TP63: variants seen among roughly 807,000 people sequenced by gnomAD.
TP63 encodes tumor protein 63.
A neutral mutation model predicts 82.8 loss-of-function variants in TP63; 17 were observed. That is an observed-to-expected ratio of 0.21 (90% CI 0.14 to 0.31). The LOEUF (loss-of-function observed/expected upper bound fraction) is 0.31, where lower values mean the gene tolerates loss of function less well. Among genes scored for constraint, TP63 ranks in the 10% least tolerant of loss-of-function variants. The probability of loss-of-function intolerance (pLI) is 1.00; values close to 1 mark genes in which losing one functional copy is unlikely to be tolerated. For missense variants in TP63, 648 were observed against 895.3 expected (o/e 0.72, Z 3.52); for synonymous variants, 330 against 321.7 (o/e 1.03, Z -0.28).
intron 4 of TP63, among the ~76,000 whole-genome samples, chr3:189,813,132 C>G (rs780120826): frequency 6.6e-5 from 10 of 152,152 alleles, no homozygotes; most frequent in Non-Finnish European, 1.3e-4. Flanking sequence ...CATTTTTAAT[C>G]TGATGCTTCA....
At chr3:189,650,816 CT>C (rs1258248481) in intron 1 of TP63, among the ~76,000 whole-genome samples, 1 of 147,298 alleles carries the variant, frequency 6.8e-6, no homozygotes, top group Non-Finnish European at 1.5e-5. Context: ...GACTTTGGAG[CT>C]GGGTAACAGG....
At position 189,802,602 on chromosome 3, in the gene TP63, A is replaced by G. The variant is rs546633034; in HGVS notation, c.325-5670A>G. Among the ~76,000 whole-genome samples the G allele has an allele frequency of 3.3e-5, 5 of 152,306 alleles. No individual in the cohort carries two copies. In the East Asian group the frequency reaches 9.7e-4, roughly 29 times the overall value. On this transcript the variant is annotated intron_variant, in intron 3 of 13. Transcript: ENST00000264731. ...ACTAAGGTCCACAAGTTGTTCAGCT[A>G]CCTTGCCCAGAGGTACACAGCACAC...
At position 189,894,637 on chromosome 3, in the gene TP63, G is replaced by T; in HGVS notation, c.*135G>T. The T allele has an allele frequency of 9.2e-7, 1 of 1,088,062 alleles. No individual in the cohort carries two copies. Among genetic ancestry groups the T allele is most frequent in the Non-Finnish European group, 1.3e-6 (1 of 753,094 alleles). The allele number at this position is 1,088,062 out of a possible 1,614,324, so 67.4% of individuals were successfully genotyped here. ...GATTTCTTAGGGGAAGGAGAAGTAA[G>T]AGGCTACCTCTTACCTAACATCTGA... On this transcript the variant is annotated 3_prime_UTR_variant, in exon 14 of 14. Transcript: ENST00000264731.
rs140508531 is a variant in TP63 at position 189,894,493 on chromosome 3, G to A, written c.2034G>A (p.Glu678=). 3.1e-4 allele frequency: 505 copies of A among 1,613,122 alleles called. No homozygotes were observed. The highest frequency in any genetic ancestry group is 3.9e-4 in the Non-Finnish European group (464 of 1,179,988). The change falls in exon 14 of 14, where the codon GAG becomes GAA. Residue 678 remains glutamate, a synonymous_variant. Transcript: ENST00000264731. ...ATAAGCAACAGCGCATCAAAGAGGA[G>A]GGGGAGTGAGCCTCACCATGTGAGC... ...RRNKQQRIKE[E]GE
At chr3:189,822,412 G>T (rs1010084178) in intron 4 of TP63, among the ~76,000 whole-genome samples, 1 of 152,016 alleles carries the variant, frequency 6.6e-6, no homozygotes, top group East Asian at 1.9e-4. Context: ...CATCCTGAGG[G>T]TTTAATCTGA....
intron 3 of TP63, among the ~76,000 whole-genome samples, chr3:189,750,484 T>C (rs1219828613): frequency 6.6e-6 from 1 of 152,232 alleles, no homozygotes; most frequent in Non-Finnish European, 1.5e-5. Context: ...TGAAATGTTC[T>C]CAACACATAG....
At chr3:189,698,806 G>GATA (rs1717587544) in intron 1 of TP63, among the ~76,000 whole-genome samples, 1 of 152,116 alleles carries the variant, frequency 6.6e-6, no homozygotes, top group Non-Finnish European at 1.5e-5. Context: ...TACAGGTCAA[G>GATA]ATAATATTTT....
At chr3:189,688,392 CT>C (rs1482170824) in intron 1 of TP63, among the ~76,000 whole-genome samples, 1 of 152,078 alleles carries the variant, frequency 6.6e-6, no homozygotes, top group Non-Finnish European at 1.5e-5. Context: ...TCTTTAGTGC[CT>C]GGGGAAAGCT....
intron 4 of TP63, among the ~76,000 whole-genome samples, chr3:189,839,040 TAAAAAAAAAAA>T (rs5855274): frequency 6.8e-5 from 6 of 88,606 alleles, no homozygotes; most frequent in African/African-American, 2.4e-4. Context: ...TATCCTAAGC[TAAAAAAAAAAA>T]AAAAAAAAAA....
In TP63 at chr3:189,646,454, G is replaced by A. The variant is rs184136471; in HGVS notation, c.62+14877G>A. Reference sequence around the variant, plus strand: ...GATACAACTTTATACTTCACATATGGTATTTACATTTACTTACTTCAATGA... The same window carrying A: ...GATACAACTTTATACTTCACATATGATATTTACATTTACTTACTTCAATGA... On this transcript the variant is annotated intron_variant, in intron 1 of 13. Transcript: ENST00000264731. Among the ~76,000 whole-genome samples the A allele has an allele frequency of 1.7e-4, 25 of 147,228 alleles. 1 individual carries two copies. Among genetic ancestry groups the A allele is most frequent in the East Asian group, 2.4e-4 (1 of 4,248 alleles).
At chr3:189,740,433 G>A (rs977231952) in intron 3 of TP63, among the ~76,000 whole-genome samples, 1 of 152,088 alleles carries the variant, frequency 6.6e-6, no homozygotes, top group Non-Finnish European at 1.5e-5. Context: ...AAAAGTTAAA[G>A]AAGTTAAAAA....
chr3:189,701,023 T>C (rs1379326589), intron 1 of TP63, among the ~76,000 whole-genome samples: 1 of 152,174 alleles, frequency 6.6e-6, no homozygotes, highest in African/African-American at 2.4e-5. Context: ...GATATGTGAT[T>C]TTAGAAAGGA....
intron 4 of TP63, among the ~76,000 whole-genome samples, chr3:189,849,515 G>A (rs1447568150): frequency 6.6e-6 from 1 of 152,090 alleles, no homozygotes; most frequent in Non-Finnish European, 1.5e-5. Context: ...GTCATCTTCT[G>A]TGTTGATGAT....
chr3:189,688,284 A>C (rs562905753), intron 1 of TP63, among the ~76,000 whole-genome samples: 3 of 152,352 alleles, frequency 2.0e-5, no homozygotes, highest in African/African-American at 7.2e-5. Flanking sequence ...AATTTAACTA[A>C]AGTCTCCACA....
At chr3:189,772,388 G>A (rs1236110436) in intron 3 of TP63, among the ~76,000 whole-genome samples, 2 of 152,170 alleles carry the variant, frequency 1.3e-5, no homozygotes, top group African/African-American at 4.8e-5. Flanking sequence ...TCTCCTAATT[G>A]TTTCCACTAT....
intron 3 of TP63, among the ~76,000 whole-genome samples, chr3:189,776,847 G>C (rs1335019499): frequency 1.3e-5 from 2 of 152,220 alleles, no homozygotes; most frequent in Non-Finnish European, 2.9e-5. Flanking sequence ...AGAGAGAAGA[G>C]AGGTTGATGT....
intron 1 of TP63, among the ~76,000 whole-genome samples, chr3:189,632,540 T>G (rs1210755739): frequency 6.6e-6 from 1 of 152,118 alleles, no homozygotes; most frequent in Non-Finnish European, 1.5e-5. Flanking sequence ...TGTAGATTGT[T>G]TCTCTTCCTG....
intron 1 of TP63, among the ~76,000 whole-genome samples, chr3:189,704,673 A>G (rs765347601): frequency 6.6e-6 from 1 of 152,252 alleles, no homozygotes; most frequent in African/African-American, 2.4e-5. Flanking sequence ...CACAGTGCTC[A>G]GCACAGAATA....
At chr3:189,769,375 A>G (rs1009270668) in intron 3 of TP63, among the ~76,000 whole-genome samples, 5 of 152,146 alleles carry the variant, frequency 3.3e-5, no homozygotes, top group African/African-American at 1.2e-4. Flanking sequence ...TCCTTTGAGA[A>G]TATTGGACAG....
Sources: gnomAD v4.1 joint callset for allele counts (sites outside exome capture counted in the v4.1 genomes callset) on GRCh38, gnomAD v4.1.1 for gene constraint, MANE v1.5 for transcripts, NCBI Gene and HGNC (gene_info 2026-07-23, HGNC 2026-07-21) for gene names.